The following ADGRA3 variants were observed in gnomAD, a reference collection of about 807,000 sequenced individuals.
ADGRA3 encodes the protein G-protein coupled receptor 125.
Under a neutral mutation model 119.8 loss-of-function variants are expected in ADGRA3, and 56 were observed. That is an observed-to-expected ratio of 0.47 (90% CI 0.38 to 0.58). The LOEUF (loss-of-function observed/expected upper bound fraction) is 0.58, where lower values mean the gene tolerates loss of function less well. Ranked by LOEUF, ADGRA3 falls within the 20% of genes least tolerant of loss-of-function variation. The probability of loss-of-function intolerance (pLI) is 0.00; values close to 1 mark genes in which losing one functional copy is unlikely to be tolerated. For synonymous variants in ADGRA3, 607 were observed against 623.8 expected (o/e 0.97, Z 0.40); for missense variants, 1,516 against 1,649.0 (o/e 0.92, Z 1.40).
intron 18 of ADGRA3, 52 bp from the exon 19 acceptor site, chr4:22,388,999 T>A: frequency 1.2e-6 from 2 of 1,602,164 alleles, no homozygotes; most frequent in Non-Finnish European, 1.7e-6. Flanking sequence ...CAACAAATTA[T>A]CTACGAAATT....
At chr4:22,495,671 G>A (rs563659512) in intron 1 of ADGRA3, among the ~76,000 whole-genome samples, 13 of 152,128 alleles carry the variant, frequency 8.5e-5, no homozygotes, top group African/African-American at 2.9e-4. Context: ...CACTTTGGGA[G>A]GCCAGGGCGG....
At chr4:22,461,959 A>G in intron 2 of ADGRA3, 151 bp from the exon 3 acceptor site, 1 of 454,744 alleles carries the variant, frequency 2.2e-6, no homozygotes. Context: ...TCAACCCAGT[A>G]GTAAAAGGGA....
At chr4:22,438,221 A>C in intron 8 of ADGRA3, 35 bp downstream of exon 8, 7 of 1,582,712 alleles carry the variant, frequency 4.4e-6, no homozygotes, top group Non-Finnish European at 6.1e-6. Context: ...TCTGGGACAA[A>C]TTAAACTTTT....
intron 3 of ADGRA3, among the ~76,000 whole-genome samples, chr4:22,461,271 AACC>A (rs1206569613): frequency 6.6e-6 from 1 of 152,210 alleles, no homozygotes; most frequent in Non-Finnish European, 1.5e-5. Context: ...TGTGCAAATC[AACC>A]ACCTTCTCAG....
intron 1 of ADGRA3, among the ~76,000 whole-genome samples, chr4:22,503,272 T>A (rs946166047): frequency 6.6e-6 from 1 of 152,190 alleles, no homozygotes; most frequent in Admixed American, 6.5e-5. Context: ...ATAATAAATC[T>A]AATAGAAAGT....
Position 22,388,840 on chromosome 4 carries a change from C to G in ADGRA3, c.2831G>C (p.Arg944Thr), listed in dbSNP as rs1713971012. 3.1e-6 allele frequency: 5 copies of G among 1,614,056 alleles called. No individual in the cohort carries two copies. The highest frequency in any genetic ancestry group is 4.2e-6 in the Non-Finnish European group (5 of 1,179,978). Residue 944 changes from arginine to threonine, a missense_variant, in exon 19 of 19, where the codon AGA (arginine) becomes ACA (threonine). Arg to Thr is a moderately conservative substitution (Grantham distance 71). Coordinates refer to ENST00000334304, the MANE Select transcript of ADGRA3 (RefSeq NM_145290.4). Reference protein sequence around the residue: ...YFLSIFIQLKRHPERKYELKE... With the variant: ...YFLSIFIQLKTHPERKYELKE... ...AAGCTCATATTTGCGCTCAGGGTGT[C>G]TTTTCAACTGAATAAATATGCTCAG... is the stretch of plus-strand genomic sequence containing the variant.
At chr4:22,448,114 A>G (rs1048309818) in intron 4 of ADGRA3, among the ~76,000 whole-genome samples, 2 of 152,158 alleles carry the variant, frequency 1.3e-5, no homozygotes, top group African/African-American at 4.8e-5. Context: ...TTTTGAATGA[A>G]TGGAACTCAG....
chr4:22,425,745 C>A (rs527723721), intron 10 of ADGRA3, among the ~76,000 whole-genome samples: 2 of 152,204 alleles, frequency 1.3e-5, no homozygotes, highest in South Asian at 2.1e-4. Flanking sequence ...ATACACTTCA[C>A]ACAACGTATA....
chr4:22,471,436 T>C (rs1053453324), intron 2 of ADGRA3, among the ~76,000 whole-genome samples: 1 of 152,042 alleles, frequency 6.6e-6, no homozygotes, highest in Non-Finnish European at 1.5e-5. Flanking sequence ...CTCTTTAAAA[T>C]AAAATAAAAG....
At chr4:22,415,993 T>C (rs528667982) in intron 12 of ADGRA3, among the ~76,000 whole-genome samples, 5 of 152,278 alleles carry the variant, frequency 3.3e-5, no homozygotes, top group East Asian at 3.9e-4. Flanking sequence ...CCCTGAGATA[T>C]AGAGAGTGGC....
intron 14 of ADGRA3, among the ~76,000 whole-genome samples, chr4:22,405,246 C>T (rs951247689): frequency 7.9e-5 from 12 of 152,074 alleles, no homozygotes; most frequent in Non-Finnish European, 1.6e-4. Context: ...TAGAAGAAAT[C>T]AGTTATTTTT....
At chr4:22,478,694 A>G (rs1718140542) in intron 1 of ADGRA3, among the ~76,000 whole-genome samples, 1 of 152,200 alleles carries the variant, frequency 6.6e-6, no homozygotes, top group African/African-American at 2.4e-5. Flanking sequence ...AGAGGAGAGC[A>G]TCCTGAGTTA....
At chr4:22,507,109 G>A (rs572624182) in intron 1 of ADGRA3, among the ~76,000 whole-genome samples, 7 of 151,830 alleles carry the variant, frequency 4.6e-5, no homozygotes, top group African/African-American at 1.2e-4. Context: ...GCATGGTGGC[G>A]GGTGACTGTA....
intron 1 of ADGRA3, among the ~76,000 whole-genome samples, chr4:22,490,586 A>G (rs1435847826): frequency 6.6e-6 from 1 of 152,210 alleles, no homozygotes; most frequent in Non-Finnish European, 1.5e-5. Context: ...TCAAAGACTA[A>G]TATTACACAA....
intron 1 of ADGRA3, among the ~76,000 whole-genome samples, chr4:22,498,544 G>T (rs1199830656): frequency 1.3e-5 from 2 of 151,924 alleles, no homozygotes; most frequent in Non-Finnish European, 2.9e-5. Flanking sequence ...CTTGAACCAG[G>T]AAGGCGGAGG....
chr4:22,397,228 C>G (rs1275824661), intron 16 of ADGRA3, among the ~76,000 whole-genome samples: 1 of 135,322 alleles, frequency 7.4e-6, no homozygotes, highest in East Asian at 2.3e-4. Flanking sequence ...TGTCATCAGG[C>G]AGGAGTGCAG....
At chr4:22,480,782 T>C (rs77145380) in intron 1 of ADGRA3, among the ~76,000 whole-genome samples, 72 of 152,342 alleles carry the variant, frequency 4.7e-4, no homozygotes, top group Non-Finnish European at 9.4e-4. Context: ...CTTTTGTCTA[T>C]CTACAAAATG....
intron 12 of ADGRA3, among the ~76,000 whole-genome samples, chr4:22,415,681 A>G (rs906695692): frequency 7.2e-5 from 11 of 152,192 alleles, no homozygotes; most frequent in African/African-American, 2.4e-4. Flanking sequence ...AAAACAAAGC[A>G]TGGCTCTTTG....
At position 22,391,086 on chromosome 4, in the gene ADGRA3, T is replaced by C. The variant is rs1485249648; in HGVS notation, c.2627+1459A>G. On this transcript the variant is annotated intron_variant, in intron 17 of 18. Transcript: ENST00000334304. ...CCAGTGACTTTTTCCACGGCCCATC[T>C]ATTAAACATTAATAAGGTCCAAGTA... Among the ~76,000 whole-genome samples the C allele has an allele frequency of 2.6e-5, 4 of 152,162 alleles. No individual in the cohort carries two copies. The East Asian group carries it at 7.7e-4, about 29-fold the overall frequency.
Sources: allele counts gnomAD v4.1 joint callset (sites outside exome capture counted in the v4.1 genomes callset), GRCh38; gene constraint gnomAD v4.1.1; transcripts MANE v1.5; gene names NCBI Gene and HGNC (gene_info 2026-07-23, HGNC 2026-07-21).